The following CDH12 variants were observed in gnomAD, a reference collection of about 807,000 sequenced individuals.
CDH12 encodes the protein cadherin-12.
In CDH12, 41 loss-of-function variants were observed where a neutral mutation model predicts 74.1. The ratio of observed to expected loss-of-function variants is 0.55; its 90% CI spans 0.43 to 0.72. The LOEUF (loss-of-function observed/expected upper bound fraction) is 0.72, where lower values mean the gene tolerates loss of function less well. CDH12 is among the 30% of genes least tolerant of loss of function. The pLI is 0.00. For missense variants in CDH12, 945 were observed against 977.2 expected, an observed-to-expected ratio of 0.97 and a Z score of 0.44; for synonymous variants, 399 against 355.0, an observed-to-expected ratio of 1.12 and a Z score of -1.39.
Position 21,778,003 on chromosome 5 carries a change from T to C in CDH12, c.1393+5355A>G, listed in dbSNP as rs144524279. The stretch of plus-strand genomic sequence containing the variant: ...CAGGAATACAATATATTAACTATAG[T>C]CACCATGTTGTACAATAGATCTCTT... On this transcript the variant is annotated intron_variant, in intron 11 of 14. Coordinates refer to ENST00000382254, the MANE Select transcript of CDH12 (RefSeq NM_004061.5). Among the ~76,000 whole-genome samples the C allele has an allele frequency of 3.9e-3, 594 of 152,340 alleles. 6 individuals are homozygous for C. Among genetic ancestry groups the C allele is most frequent in the African/African-American group, 0.014 (577 of 41,580 alleles).
intron 4 of CDH12, among the ~76,000 whole-genome samples, chr5:22,191,660 G>GC (rs1750306298): frequency 1.0e-4 from 1 of 9,760 alleles, no homozygotes; most frequent in African/African-American, 1.1e-4. Flanking sequence ...CGCCTCCCGG[G>GC]TTCACGCCAT....
At chr5:22,335,488 G>C (rs1347565478) in intron 3 of CDH12, among the ~76,000 whole-genome samples, 1 of 152,114 alleles carries the variant, frequency 6.6e-6, no homozygotes, top group Non-Finnish European at 1.5e-5. Context: ...AGGAGACTGA[G>C]GCAGGAGAAT....
chr5:22,383,571 C>T (rs549655410), intron 3 of CDH12, among the ~76,000 whole-genome samples: 34 of 152,250 alleles, frequency 2.2e-4, no homozygotes, highest in South Asian at 4.1e-4. Flanking sequence ...AAAGGAAAAA[C>T]GTTGCTGGTA....
intron 4 of CDH12, among the ~76,000 whole-genome samples, chr5:22,086,725 C>A (rs1743092820): frequency 6.6e-6 from 1 of 151,098 alleles, no homozygotes. Context: ...CTACTGGTAT[C>A]TCCTACAAGC....
chr5:21,800,298 G>A (rs1335129115), intron 10 of CDH12, among the ~76,000 whole-genome samples: 1 of 152,094 alleles, frequency 6.6e-6, no homozygotes, highest in Non-Finnish European at 1.5e-5. Context: ...CCCTTAGGAT[G>A]TCTGCATTTT....
At chr5:22,331,339 C>G (rs183655274) in intron 3 of CDH12, among the ~76,000 whole-genome samples, 168 of 152,200 alleles carry the variant, frequency 1.1e-3, no homozygotes, top group Middle Eastern at 6.8e-3. Context: ...CTCGCATCAC[C>G]ACATCTCCAG....
chr5:22,210,055 T>G (rs1751440133), intron 4 of CDH12, among the ~76,000 whole-genome samples: 2 of 144,160 alleles, frequency 1.4e-5, no homozygotes, highest in South Asian at 4.7e-4. Context: ...GTTTTTATAT[T>G]TATCATTTAT....
intron 3 of CDH12, among the ~76,000 whole-genome samples, chr5:22,361,291 C>A (rs1213423748): frequency 6.6e-6 from 1 of 152,004 alleles, no homozygotes. Context: ...TAATAACAGA[C>A]AAACAGAGAG....
At chr5:22,626,872 G>A (rs1295230576) in intron 1 of CDH12, among the ~76,000 whole-genome samples, 1 of 152,166 alleles carries the variant, frequency 6.6e-6, no homozygotes, top group Non-Finnish European at 1.5e-5. Flanking sequence ...ATACAGGAAT[G>A]AAAAGACAAA....
At chr5:22,467,486 AT>A (rs1745784559) in intron 2 of CDH12, among the ~76,000 whole-genome samples, 1 of 151,892 alleles carries the variant, frequency 6.6e-6, no homozygotes, top group Non-Finnish European at 1.5e-5. Context: ...CATTACATTC[AT>A]TTTCAGTCAC....
chr5:21,764,112 T>C (rs986847530), intron 12 of CDH12, among the ~76,000 whole-genome samples: 4 of 152,118 alleles, frequency 2.6e-5, no homozygotes, highest in African/African-American at 9.7e-5. Flanking sequence ...CGGTGGCTCA[T>C]GCCTGTAATC....
intron 1 of CDH12, among the ~76,000 whole-genome samples, chr5:22,840,358 G>T (rs537652599): frequency 2.0e-4 from 31 of 152,100 alleles, no homozygotes; most frequent in African/African-American, 7.2e-4. Context: ...TCCTGACCTT[G>T]TAATCCAGCT....
intron 1 of CDH12, among the ~76,000 whole-genome samples, chr5:22,762,879 A>AT (rs1330005868): frequency 6.6e-6 from 1 of 152,000 alleles, no homozygotes; most frequent in East Asian, 1.9e-4. Flanking sequence ...TTCTGCACAC[A>AT]AATTCTAAAC....
At chr5:22,292,905 C>T (rs895272210) in intron 3 of CDH12, among the ~76,000 whole-genome samples, 2 of 152,132 alleles carry the variant, frequency 1.3e-5, no homozygotes, top group Non-Finnish European at 2.9e-5. Context: ...TTTGCAAAGC[C>T]TAACTTCCTT....
chr5:22,640,411 A>G (rs1336336683), intron 1 of CDH12, among the ~76,000 whole-genome samples: 2 of 152,166 alleles, frequency 1.3e-5, no homozygotes, highest in Non-Finnish European at 2.9e-5. Context: ...GATATGTCCA[A>G]ACTTCTTAAC....
intron 6 of CDH12, among the ~76,000 whole-genome samples, chr5:21,960,484 G>C (rs1337488558): frequency 1.3e-5 from 2 of 152,092 alleles, no homozygotes; most frequent in African/African-American, 2.4e-5. Context: ...AACCTCAATT[G>C]AGCGTGGGAC....
In CDH12 at chr5:22,734,721, A is replaced by T. The variant is rs1392561326; in HGVS notation, c.-523+118337T>A. 2.6e-5 allele frequency among the ~76,000 whole-genome samples: 4 copies of T among 151,914 alleles called. No individual in the cohort carries two copies. The East Asian group carries it at 7.8e-4, about 29-fold the overall frequency. On this transcript the variant is annotated intron_variant, in intron 1 of 14. Coordinates refer to ENST00000382254, the MANE Select transcript of CDH12 (RefSeq NM_004061.5). ...AATGAGTTGAATTTCCCCCTCTAAG[A>T]CACCCATGCACCGGTCTTGAGATGG...
chr5:22,428,366 G>A (rs1354153137), intron 2 of CDH12, among the ~76,000 whole-genome samples: 1 of 151,852 alleles, frequency 6.6e-6, no homozygotes, highest in African/African-American at 2.4e-5. Flanking sequence ...GAACATTAAT[G>A]TTATACTGGA....
intron 4 of CDH12, among the ~76,000 whole-genome samples, chr5:22,151,491 T>C (rs896489684): frequency 1.3e-5 from 2 of 152,150 alleles, no homozygotes; most frequent in African/African-American, 4.8e-5. Context: ...CCTGCTGAAA[T>C]CCTTCCTCAA....
Sources: allele counts gnomAD v4.1 joint callset (sites outside exome capture counted in the v4.1 genomes callset), GRCh38; gene constraint gnomAD v4.1.1; transcripts MANE v1.5; gene names NCBI Gene and HGNC (gene_info 2026-07-23, HGNC 2026-07-21).